Variants in XPO7 observed in about 807,000 individuals in gnomAD.
XPO7 encodes exportin 7.
In XPO7, 21 loss-of-function variants were observed where a neutral mutation model predicts 144.3. The ratio of observed to expected loss-of-function variants is 0.15; its 90% CI spans 0.10 to 0.21. XPO7 has a LOEUF of 0.21. XPO7 is among the 10% of genes least tolerant of loss of function. The pLI is 1.00. For missense variants in XPO7, 808 were observed against 1,325.8 expected (o/e 0.61, Z 6.06); for synonymous variants, 580 against 499.6 (o/e 1.16, Z -2.15).
At chr8:21,956,420 G>T (rs1203474963) in intron 1 of XPO7, among the ~76,000 whole-genome samples, 2 of 152,094 alleles carry the variant, frequency 1.3e-5, no homozygotes, top group Non-Finnish European at 2.9e-5. Flanking sequence ...CATGTATTAT[G>T]CTGGCATTGG....
At chr8:21,928,985 C>G (rs906159368) in intron 1 of XPO7, among the ~76,000 whole-genome samples, 18 of 152,148 alleles carry the variant, frequency 1.2e-4, no homozygotes, top group African/African-American at 4.1e-4. Flanking sequence ...GGTAGATCTT[C>G]TTTGGTGATG....
intron 1 of XPO7, among the ~76,000 whole-genome samples, chr8:21,957,541 C>T (rs1270208764): frequency 6.6e-6 from 1 of 152,172 alleles, no homozygotes; most frequent in Non-Finnish European, 1.5e-5. Context: ...TCTTCCCTAT[C>T]TATCCTTGTG....
chr8:21,993,316 A>G (rs1585477723), intron 19 of XPO7, among the ~76,000 whole-genome samples: 1 of 152,222 alleles, frequency 6.6e-6, no homozygotes, highest in African/African-American at 2.4e-5. Flanking sequence ...TGTCCCATGT[A>G]AAGTCTTTTA....
chr8:21,986,399 T>C (rs576219061), intron 13 of XPO7, among the ~76,000 whole-genome samples: 1 of 152,226 alleles, frequency 6.6e-6, no homozygotes, highest in Admixed American at 6.5e-5. Flanking sequence ...GTGATCCACC[T>C]GCCTTGGCCT....
intron 1 of XPO7, among the ~76,000 whole-genome samples, chr8:21,963,396 G>A (rs1009905572): frequency 2.0e-5 from 3 of 152,086 alleles, no homozygotes; most frequent in Admixed American, 2.0e-4. Flanking sequence ...AAAGCAGTGA[G>A]GCTAATTTAA....
chr8:21,960,600 C>T (rs192985190), intron 1 of XPO7, among the ~76,000 whole-genome samples: 1 of 152,346 alleles, frequency 6.6e-6, no homozygotes, highest in Admixed American at 6.5e-5. Context: ...TTTGCAGTCT[C>T]ATATGGTAGT....
intron 26 of XPO7, among the ~76,000 whole-genome samples, chr8:22,003,701 A>G (rs1332202947): frequency 6.6e-6 from 1 of 152,338 alleles, no homozygotes; most frequent in East Asian, 1.9e-4. Flanking sequence ...GTGCTTTACA[A>G]TTTAAAAATT....
intron 1 of XPO7, among the ~76,000 whole-genome samples, chr8:21,942,394 C>T (rs546804097): frequency 6.6e-6 from 1 of 152,260 alleles, no homozygotes; most frequent in South Asian, 2.1e-4. Flanking sequence ...CCATTTTAGA[C>T]ATTATTGTGA....
At chr8:22,000,499 C>G (rs541185564) in intron 24 of XPO7, among the ~76,000 whole-genome samples, 1 of 143,398 alleles carries the variant, frequency 7.0e-6, no homozygotes, top group African/African-American at 2.7e-5. Context: ...GTCGCCCAGG[C>G]TGGAGTGCAG....
chr8:22,002,387 T>C, intron 25 of XPO7, 115 bp downstream of exon 25: 1 of 1,274,652 alleles, frequency 7.8e-7, no homozygotes, highest in Non-Finnish European at 1.1e-6. Context: ...TTCCTGCTGC[T>C]GAGATGAAGT....
At chr8:21,920,051 C>T (rs1002758492) in intron 1 of XPO7, among the ~76,000 whole-genome samples, 1 of 151,802 alleles carries the variant, frequency 6.6e-6, no homozygotes, top group East Asian at 2.0e-4. Context: ...CCGGCGCGCG[C>T]AGCCCACAAC....
In XPO7 at chr8:22,003,240, A is replaced by T; in HGVS notation, c.2965A>T (p.Ile989Phe). 1 of 1,613,028 alleles carries T rather than the reference A, an allele frequency of 6.2e-7. No homozygotes were observed. The highest frequency in any genetic ancestry group is 8.5e-7 in the Non-Finnish European group (1 of 1,179,558). ...TCAGATGCTGTCCACGGTGCTGAAC[A>T]TCATCATCTTTGAAGACTGTAGGAA... ...IQQMLSTVLN[I>F]IIFEDCRNQW... The change falls in exon 26 of 28, where the codon ATC becomes TTC. Residue 989 changes from isoleucine (I) to phenylalanine (F), a missense_variant. Ile to Phe is a conservative substitution (Grantham distance 21, BLOSUM62 0). Around this residue, in one of 5 missense-constraint regions of XPO7, gnomAD observed 140 missense variants for 237.9 expected, o/e 0.59. Coordinates refer to ENST00000252512, the MANE Select transcript of XPO7 (RefSeq NM_015024.5).
rs1172571879 is a variant in XPO7, at chr8:22,006,277, AAAT to A, written c.*1195_*1197del. ...TAATAAATGTTTTGAATATTAAAAA[AAAT>A]AATAACCTACAGAGGAAAATTAATG... is the stretch of plus-strand genomic sequence containing the variant. On this transcript the variant is annotated 3_prime_UTR_variant, in exon 28 of 28. Coordinates refer to ENST00000252512, the MANE Select transcript of XPO7 (RefSeq NM_015024.5). 3.9e-5 allele frequency: 6 copies of A among 152,238 alleles called. No individual in the cohort carries two copies. Among genetic ancestry groups the A allele is most frequent in the Admixed American group, 2.0e-4 (3 of 15,286 alleles). The allele number at this position is 152,238 out of a possible 1,614,324, so 9.4% of individuals were successfully genotyped here.
rs543534311 is a variant in XPO7 at position 21,986,812 on chromosome 8, G to A, written c.1578-329G>A. Among the ~76,000 whole-genome samples, 5 of 152,268 alleles carry A rather than the reference G, an allele frequency of 3.3e-5. No homozygotes were observed. In the East Asian group the frequency reaches 7.7e-4, roughly 23 times the overall value. On this transcript the variant is annotated intron_variant, in intron 13 of 27. Coordinates refer to ENST00000252512, the MANE Select transcript of XPO7 (RefSeq NM_015024.5). The stretch of plus-strand genomic sequence containing the variant: ...AAATATCAAATGACTCACTTATTAT[G>A]ACATCTGTATTCGCATTCACTCACT...
At chr8:21,936,966 T>C (rs568973579) in intron 1 of XPO7, among the ~76,000 whole-genome samples, 4 of 152,284 alleles carry the variant, frequency 2.6e-5, no homozygotes, top group Non-Finnish European at 5.9e-5. Context: ...TGCCTTGGTG[T>C]TACATACTGG....
At chr8:21,963,630 G>A (rs1811794748) in intron 1 of XPO7, among the ~76,000 whole-genome samples, 1 of 151,750 alleles carries the variant, frequency 6.6e-6, no homozygotes, top group South Asian at 2.1e-4. Flanking sequence ...AGGAGGCGGA[G>A]GTTACAGTGA....
At chr8:21,947,542 T>C (rs1194388091) in intron 1 of XPO7, among the ~76,000 whole-genome samples, 3 of 152,130 alleles carry the variant, frequency 2.0e-5, no homozygotes, top group East Asian at 3.8e-4. Context: ...CCCTGCAACA[T>C]AGACACACAT....
chr8:21,940,887 T>TGGATGCA, intron 1 of XPO7, among the ~76,000 whole-genome samples: 1 of 152,086 alleles, frequency 6.6e-6, no homozygotes, highest in East Asian at 1.9e-4. Context: ...ATCTGTAGTT[T>TGGATGCA]TCAGGAAATA....
In XPO7 at chr8:22,002,742, A is replaced by G. The variant is rs1194845125; in HGVS notation, c.2943+470A>G. Among the ~76,000 whole-genome samples the G allele has an allele frequency of 3.9e-5, 6 of 152,220 alleles. 1 individual carries two copies. The highest frequency in any genetic ancestry group is 5.9e-5 in the Non-Finnish European group (4 of 68,038). On this transcript the variant is annotated intron_variant, in intron 25 of 27. Coordinates refer to ENST00000252512, the MANE Select transcript of XPO7 (RefSeq NM_015024.5). ...GAAGTAACTTACAGAAATACATGCT[A>G]GATGAAAATAGATAAGGAAATGGGA...
Sources: gnomAD v4.1 joint callset for allele counts (sites outside exome capture counted in the v4.1 genomes callset) on GRCh38, gnomAD v4.1.1 for gene constraint, gnomAD v4.1.1 regional missense constraint, MANE v1.5 for transcripts, NCBI Gene and HGNC (gene_info 2026-07-23, HGNC 2026-07-21) for gene names.